Variants in TMOD1 observed in about 807,000 individuals in gnomAD.
The protein encoded by TMOD1 is tropomodulin-1.
A neutral mutation model predicts 40.6 loss-of-function variants in TMOD1; 17 were observed. That is an observed-to-expected ratio of 0.42 (90% CI 0.29 to 0.63). TMOD1 has a LOEUF of 0.63. Ranked by LOEUF, TMOD1 falls within the 20% of genes least tolerant of loss-of-function variation. The pLI, the probability that TMOD1 is intolerant of heterozygous loss-of-function variation, is 0.22. For synonymous variants in TMOD1, 181 were observed against 175.0 expected, an observed-to-expected ratio of 1.03 and a Z score of -0.27; for missense variants, 391 against 447.6, an observed-to-expected ratio of 0.87 and a Z score of 1.14.
At chr9:97,503,364 A>G (rs1262196919) in intron 1 of TMOD1, among the ~76,000 whole-genome samples, 1 of 152,144 alleles carries the variant, frequency 6.6e-6, no homozygotes, top group Middle Eastern at 3.2e-3. Flanking sequence ...CTCATCCTGA[A>G]GTTTCCTTTT....
intron 1 of TMOD1, among the ~76,000 whole-genome samples, chr9:97,523,457 C>G (rs1469822724): frequency 2.6e-5 from 4 of 152,180 alleles, no homozygotes; most frequent in Admixed American, 1.3e-4. Flanking sequence ...AGGTCTGCAG[C>G]CAGCAGACCT....
chr9:97,579,561 T>C (rs527489782), intron 8 of TMOD1, among the ~76,000 whole-genome samples: 1 of 152,286 alleles, frequency 6.6e-6, no homozygotes, highest in South Asian at 2.1e-4. Context: ...GCTGGGATTA[T>C]AGGTGTGAGC....
intron 8 of TMOD1, among the ~76,000 whole-genome samples, chr9:97,580,554 CGA>C (rs1825727324): frequency 6.6e-6 from 1 of 150,576 alleles, no homozygotes; most frequent in Non-Finnish European, 1.5e-5. Flanking sequence ...TGCAGTGAGC[CGA>C]GATTGCACCA....
At chr9:97,533,134 A>AC (rs1252878082) in intron 2 of TMOD1, among the ~76,000 whole-genome samples, 3 of 152,240 alleles carry the variant, frequency 2.0e-5, no homozygotes, top group Non-Finnish European at 4.4e-5. Context: ...TAAAATGCTG[A>AC]CAGCTTATTT....
intron 7 of TMOD1, 42 bp from the exon 8 acceptor site, chr9:97,568,852 G>A (rs754992340): frequency 2.2e-5 from 35 of 1,607,560 alleles, no homozygotes; most frequent in Middle Eastern, 3.5e-4. Context: ...AGCCTTGCTC[G>A]GGGTGACTCA....
chr9:97,554,517 A>G (rs1468497192), intron 4 of TMOD1, among the ~76,000 whole-genome samples: 2 of 143,778 alleles, frequency 1.4e-5, no homozygotes, highest in African/African-American at 2.5e-5. Flanking sequence ...GAAAGAATAC[A>G]TGGCCCTTGT....
At chr9:97,509,506 TTTTTTG>T (rs1829659006) in intron 1 of TMOD1, among the ~76,000 whole-genome samples, 1 of 120,840 alleles carries the variant, frequency 8.3e-6, no homozygotes, top group African/African-American at 3.0e-5. Context: ...AGAGGTTTTT[TTTTTTG>T]TTTTTTGTTT....
intron 8 of TMOD1, among the ~76,000 whole-genome samples, chr9:97,581,885 TCTGGATA>T (rs1825763677): frequency 6.6e-6 from 1 of 150,650 alleles, no homozygotes; most frequent in African/African-American, 2.4e-5. Context: ...CATTGTAGAT[TCTGGATA>T]TTAGCCCTTT....
At chr9:97,539,960 A>G (rs1184298180) in intron 2 of TMOD1, among the ~76,000 whole-genome samples, 2 of 133,486 alleles carry the variant, frequency 1.5e-5, no homozygotes, top group East Asian at 4.7e-4. Flanking sequence ...CAACAGAGTG[A>G]GACTCTGTCT....
intron 7 of TMOD1, among the ~76,000 whole-genome samples, chr9:97,567,095 C>T (rs1184512409): frequency 2.0e-5 from 3 of 152,236 alleles, no homozygotes; most frequent in Admixed American, 6.5e-5. Context: ...AGACAGTGTT[C>T]TTTCATATTT....
chr9:97,549,006 C>T (rs570251483), intron 3 of TMOD1, among the ~76,000 whole-genome samples: 9 of 152,222 alleles, frequency 5.9e-5, no homozygotes, highest in South Asian at 2.1e-4. Flanking sequence ...CACCCCACAC[C>T]GCAAGACCTG....
chr9:97,537,131 G>A (rs535361389), intron 2 of TMOD1, among the ~76,000 whole-genome samples: 2 of 152,290 alleles, frequency 1.3e-5, no homozygotes, highest in African/African-American at 4.8e-5. Flanking sequence ...AGTTTTCTAT[G>A]CCTCAGTTTC....
chr9:97,524,604 C>G (rs1829975759), intron 2 of TMOD1, among the ~76,000 whole-genome samples: 1 of 151,090 alleles, frequency 6.6e-6, no homozygotes, highest in African/African-American at 2.4e-5. Flanking sequence ...CTATAGAGAC[C>G]AGCAAGATCT....
chr9:97,519,591 T>G (rs1829883063), intron 1 of TMOD1, among the ~76,000 whole-genome samples: 1 of 152,148 alleles, frequency 6.6e-6, no homozygotes, highest in African/African-American at 2.4e-5. Context: ...CCTCCAGATC[T>G]GGTCCAATCT....
intron 1 of TMOD1, among the ~76,000 whole-genome samples, chr9:97,518,263 A>G (rs1236886324): frequency 6.6e-6 from 1 of 151,558 alleles, no homozygotes; most frequent in Non-Finnish European, 1.5e-5. Context: ...AGACATGTGC[A>G]GAGGGTAGAC....
chr9:97,566,858 C>T (rs1290141672), intron 7 of TMOD1, among the ~76,000 whole-genome samples: 4 of 152,146 alleles, frequency 2.6e-5, no homozygotes, highest in Non-Finnish European at 4.4e-5. Context: ...GAGAGTCTCT[C>T]TGTGCCCAAC....
At chr9:97,511,072 A>G (rs982781706) in intron 1 of TMOD1, among the ~76,000 whole-genome samples, 6 of 118,248 alleles carry the variant, frequency 5.1e-5, no homozygotes, top group Non-Finnish European at 1.1e-4. Context: ...CCGCGCGCGC[A>G]CACACACACA....
At chr9:97,559,791 AAAAATATATAT>A (rs1563990599) in intron 4 of TMOD1, among the ~76,000 whole-genome samples, 67 of 36,308 alleles carry the variant, frequency 1.8e-3, no homozygotes, top group African/African-American at 6.9e-3. Context: ...AAAAAAAAAA[AAAAATATATAT>A]ATATATATAT....
chr9:97,506,000 G>A (rs976569956), intron 1 of TMOD1, among the ~76,000 whole-genome samples: 1 of 152,060 alleles, frequency 6.6e-6, no homozygotes, highest in Non-Finnish European at 1.5e-5. Context: ...CTCTAAGACC[G>A]GGCCTCAAGC....
Sources: allele counts gnomAD v4.1 joint callset (sites outside exome capture counted in the v4.1 genomes callset), GRCh38; gene constraint gnomAD v4.1.1; transcripts MANE v1.5; gene names NCBI Gene and HGNC (gene_info 2026-07-23, HGNC 2026-07-21).